Variants in CFI observed in about 807,000 individuals in gnomAD.
CFI encodes the protein complement factor I.
Under a neutral mutation model 78.8 loss-of-function variants are expected in CFI, and 66 were observed. The ratio of observed to expected loss-of-function variants is 0.84; its 90% confidence interval spans 0.69 to 1.03. The LOEUF is 1.03. CFI is among the 50% of genes least tolerant of loss of function. The pLI, the probability that CFI is intolerant of heterozygous loss-of-function variation, is 0.00. For missense variants in CFI, 706 were observed against 704.5 expected (o/e 1.00, Z -0.02); for synonymous variants, 250 against 232.6 (o/e 1.07, Z -0.68).
intron 8 of CFI, among the ~76,000 whole-genome samples, chr4:109,752,111 T>G (rs562945499): frequency 6.6e-6 from 1 of 152,190 alleles, no homozygotes; most frequent in African/African-American, 2.4e-5. Flanking sequence ...ACATCTATTA[T>G]TTTTTCTATT....
At position 109,753,816 on chromosome 4, in the gene CFI, T is replaced by C. The variant is rs71623654; in HGVS notation, c.905-1313A>G. On this transcript the variant is annotated intron_variant, in intron 7 of 12. Transcript: ENST00000394634. ...TATTATATATTATCTAATGTATAAT[T>C]TTATATTATATATTATATAATGTAT... 2.6e-4 allele frequency among the ~76,000 whole-genome samples: 24 copies of C among 92,168 alleles called. 1 individual carries two copies. The highest frequency in any genetic ancestry group is 9.4e-4 in the African/African-American group (22 of 23,446). 60.5% of individuals were successfully genotyped at this position (92,168 alleles called of 152,430 possible). A position where few individuals can be genotyped will look rare whatever the true frequency, so the allele number is the denominator to read the frequency against.
At chr4:109,763,072 C>T (rs2126218576) in intron 3 of CFI, among the ~76,000 whole-genome samples, 1 of 152,112 alleles carries the variant, frequency 6.6e-6, no homozygotes, top group African/African-American at 2.4e-5. Flanking sequence ...AAATTGAATT[C>T]AGAAAGAAGG....
At chr4:109,776,056 A>C (rs1356000229) in intron 1 of CFI, among the ~76,000 whole-genome samples, 1 of 152,196 alleles carries the variant, frequency 6.6e-6, no homozygotes, top group Admixed American at 6.5e-5. Context: ...AAAGCTGAAA[A>C]TTCTAAAAAT....
intron 1 of CFI, among the ~76,000 whole-genome samples, chr4:109,772,104 A>G (rs1728680965): frequency 6.6e-6 from 1 of 152,264 alleles, no homozygotes; most frequent in Non-Finnish European, 1.5e-5. Flanking sequence ...GGATAACACG[A>G]ACACAGTGGC....
At chr4:109,756,907 AAGAAAGAAAGAAAG>A (rs1726281306) in intron 7 of CFI, among the ~76,000 whole-genome samples, 2 of 87,934 alleles carry the variant, frequency 2.3e-5, no homozygotes, top group African/African-American at 8.5e-5. Context: ...GAAAGAAAGA[AAGAAAGAAAGAAAG>A]AAAGAAAGAA....
At chr4:109,777,002 C>T (rs1729336421) in intron 1 of CFI, among the ~76,000 whole-genome samples, 1 of 152,200 alleles carries the variant, frequency 6.6e-6, no homozygotes, top group East Asian at 1.9e-4. Context: ...CAACCAGTAC[C>T]AGCCACTGCA....
In CFI at chr4:109,753,021, TA is replaced by T. The variant is rs1346744936; in HGVS notation, c.905-519del. Among the ~76,000 whole-genome samples, 199 of 53,938 alleles carry T rather than the reference TA, an allele frequency of 3.7e-3. 1 individual carries two copies. Among genetic ancestry groups the T allele is most frequent in the African/African-American group, 9.6e-3 (153 of 15,982 alleles). The allele number at this position is 53,938 out of a possible 152,430, so 35.4% of individuals were successfully genotyped here. ...ATATATTTATTATATATTTATTATA[TA>T]AATAAATATTTATAATATATATTTA... is the stretch of plus-strand genomic sequence containing the variant. On this transcript the variant is annotated intron_variant, in intron 7 of 12. Coordinates refer to ENST00000394634, the MANE Select transcript of CFI (RefSeq NM_000204.5).
intron 1 of CFI, among the ~76,000 whole-genome samples, chr4:109,779,677 A>G (rs1031551018): frequency 3.3e-5 from 5 of 152,132 alleles, no homozygotes; most frequent in African/African-American, 1.2e-4. Context: ...CATTGCCAAG[A>G]CAATCCTAAG....
At chr4:109,752,396 T>C (rs1005045789) in intron 8 of CFI, 72 bp downstream of exon 8, 4 of 1,310,112 alleles carry the variant, frequency 3.1e-6, no homozygotes, top group African/African-American at 1.5e-5. Context: ...ATCAATTATA[T>C]ATATGCAAAT....
At chr4:109,767,292 A>C (rs1727893222) in intron 1 of CFI, among the ~76,000 whole-genome samples, 1 of 152,206 alleles carries the variant, frequency 6.6e-6, no homozygotes, top group South Asian at 2.1e-4. Context: ...GGATCTAATT[A>C]AACTAAAGAG....
At chr4:109,775,860 T>C (rs150041378) in intron 1 of CFI, among the ~76,000 whole-genome samples, 84 of 152,282 alleles carry the variant, frequency 5.5e-4, no homozygotes, top group Middle Eastern at 3.4e-3. Context: ...CCACTGGTGA[T>C]ACCCAGGCAA....
chr4:109,769,045 C>G (rs567547470), intron 1 of CFI, among the ~76,000 whole-genome samples: 2 of 152,258 alleles, frequency 1.3e-5, no homozygotes, highest in South Asian at 4.1e-4. Flanking sequence ...GTAATAATTT[C>G]TCTCCTGTAT....
intron 5 of CFI, 59 bp from the exon 6 acceptor site, chr4:109,760,439 T>C: frequency 6.6e-7 from 1 of 1,504,788 alleles, no homozygotes; most frequent in Non-Finnish European, 9.3e-7. Context: ...TGAGGTACAA[T>C]ATAAAATTCA....
chr4:109,744,466 T>C (rs1269034393), intron 11 of CFI, among the ~76,000 whole-genome samples: 1 of 152,164 alleles, frequency 6.6e-6, no homozygotes, highest in East Asian at 1.9e-4. Context: ...CAGGTGGTTT[T>C]AGACAAAGAG....
At chr4:109,784,860 T>C (rs1264118286) in intron 1 of CFI, among the ~76,000 whole-genome samples, 2 of 151,046 alleles carry the variant, frequency 1.3e-5, no homozygotes, top group East Asian at 3.9e-4. Context: ...TCCTGTGACC[T>C]GCACGTATAC....
Position 109,742,536 on chromosome 4 carries a change from T to C in CFI, c.1489A>G (p.Lys497Glu). 6.2e-7 allele frequency: 1 copy of C among 1,613,872 alleles called. No homozygotes were observed. The highest frequency in any genetic ancestry group is 2.2e-5 in the East Asian group (1 of 44,890). ...GEVKLISNCS[K>E]FYGNRFYEKE... ...TCATAGAAACGATTTCCGTAAAACTTAGAGCAGTTGCTTATTAGTTTAACT... is the reference window on the plus strand; with the variant it reads ...TCATAGAAACGATTTCCGTAAAACTCAGAGCAGTTGCTTATTAGTTTAACT... The change falls in exon 12 of 13, where the codon AAG (lysine) becomes GAG (glutamate). Residue 497 changes from lysine to glutamate, a missense_variant. Coordinates refer to ENST00000394634, the MANE Select transcript of CFI (RefSeq NM_000204.5).
At chr4:109,781,991 G>A (rs1730103445) in intron 1 of CFI, among the ~76,000 whole-genome samples, 2 of 151,912 alleles carry the variant, frequency 1.3e-5, no homozygotes, top group Non-Finnish European at 2.9e-5. Flanking sequence ...AGCAAAATCG[G>A]CATACAAGGG....
At position 109,749,542 on chromosome 4, in the gene CFI, T is replaced by C; in HGVS notation, c.1001A>G (p.His334Arg). The C allele has an allele frequency of 6.2e-7, 1 of 1,613,848 alleles. No homozygotes were observed. The highest frequency in any genetic ancestry group is 8.5e-7 in the Non-Finnish European group (1 of 1,179,698). Residue 334 changes from histidine to arginine, a missense_variant, in exon 9 of 13, where the codon CAC becomes CGC. His to Arg is a conservative substitution (Grantham distance 29). Coordinates refer to ENST00000394634, the MANE Select transcript of CFI (RefSeq NM_000204.5). ...KLSCGVKNRM[H>R]IRRKRIVGGK... ...TCCCACAATTCGTTTCCTTCGAATG[T>C]GCATTCTGTTTTTAACTCCACAAGA...
At chr4:109,747,532 C>T (rs1286503673) in intron 10 of CFI, among the ~76,000 whole-genome samples, 1 of 152,138 alleles carries the variant, frequency 6.6e-6, no homozygotes, top group African/African-American at 2.4e-5. Context: ...AGTATAGAGT[C>T]ACTTCGGCAA....
Sources: gnomAD v4.1 joint callset for allele counts (sites outside exome capture counted in the v4.1 genomes callset) on GRCh38, gnomAD v4.1.1 for gene constraint, MANE v1.5 for transcripts, NCBI Gene and HGNC (gene_info 2026-07-23, HGNC 2026-07-21) for gene names.